The following NEK7 variants were observed in gnomAD, a reference collection of about 807,000 sequenced individuals.
NEK7 encodes the protein NIMA related kinase 7, also known as serine/threonine-protein kinase Nek7.
Under a neutral mutation model 44.6 loss-of-function variants are expected in NEK7, and 18 were observed. The ratio of observed to expected loss-of-function variants is 0.40; its 90% CI spans 0.28 to 0.60. The LOEUF (loss-of-function observed/expected upper bound fraction) is 0.60. Among genes scored for constraint, NEK7 ranks in the 20% least tolerant of loss-of-function variants. The probability of loss-of-function intolerance (pLI) is 0.38; values close to 1 mark genes in which losing one functional copy is unlikely to be tolerated. For missense variants in NEK7, 256 were observed against 366.5 expected (o/e 0.70, Z 2.46); for synonymous variants, 130 against 121.1 (o/e 1.07, Z -0.48).
chr1:198,235,455 T>C (rs1666522261), intron 2 of NEK7, among the ~76,000 whole-genome samples: 1 of 152,174 alleles, frequency 6.6e-6, no homozygotes, highest in Non-Finnish European at 1.5e-5. Context: ...TTTGACTAGA[T>C]TCTTGTTCTG....
intron 2 of NEK7, among the ~76,000 whole-genome samples, chr1:198,237,453 T>C (rs983257051): frequency 6.6e-6 from 1 of 152,188 alleles, no homozygotes; most frequent in African/African-American, 2.4e-5. Flanking sequence ...CTTCTCCTTC[T>C]CAGTGGCAAG....
intron 5 of NEK7, 47 bp from the exon 6 acceptor site, chr1:198,277,914 T>G: frequency 9.0e-7 from 1 of 1,115,366 alleles, no homozygotes; most frequent in South Asian, 1.3e-5. Flanking sequence ...GAATCCAGTC[T>G]TGAGAAATTT....
rs1212666357 is a variant in NEK7 at position 198,237,784 on chromosome 1, A to C, written c.57+5147A>C. On this transcript the variant is annotated intron_variant, in intron 2 of 9. Transcript: ENST00000367385. ...TCAGTAGTTTCCCATTGGCTTGCTC[A>C]TTCATATTCTTCAAGTATATATTTT... Among the ~76,000 whole-genome samples, 3 of 152,212 alleles carry C rather than the reference A, an allele frequency of 2.0e-5. No individual in the cohort carries two copies. The East Asian group carries it at 5.8e-4, about 29-fold the overall frequency.
At chr1:198,292,441 G>A (rs1654587613) in intron 7 of NEK7, among the ~76,000 whole-genome samples, 1 of 151,840 alleles carries the variant, frequency 6.6e-6, no homozygotes, top group South Asian at 2.1e-4. Context: ...TGGAAGTAAG[G>A]CATCAAGTGT....
rs566795005 is a variant in NEK7 at position 198,321,325 on chromosome 1, C to A, written c.*1803C>A. 6.6e-6 allele frequency: 1 copy of A among 151,922 alleles called. No individual in the cohort carries two copies. The highest frequency in any genetic ancestry group is 2.1e-4 in the South Asian group (1 of 4,830). 9.4% of individuals were successfully genotyped at this position (151,922 alleles called of 1,614,324 possible). A position where few individuals can be genotyped will look rare whatever the true frequency, so the allele number is the denominator to read the frequency against. On this transcript the variant is annotated 3_prime_UTR_variant, in exon 10 of 10. Coordinates refer to ENST00000367385, the MANE Select transcript of NEK7 (RefSeq NM_133494.3). ...CCTGAGGGCTAGATGCATTTTTTTT[C>A]TCACACTCTTAATGACTTTTAACAT...
chr1:198,306,845 A>G (rs1375610030), intron 9 of NEK7, among the ~76,000 whole-genome samples: 1 of 152,152 alleles, frequency 6.6e-6, no homozygotes, highest in Non-Finnish European at 1.5e-5. Context: ...CTAGAGTAAC[A>G]GGTCTATTTA....
At chr1:198,261,827 A>T (rs977808682) in intron 3 of NEK7, among the ~76,000 whole-genome samples, 4 of 151,544 alleles carry the variant, frequency 2.6e-5, no homozygotes, top group African/African-American at 9.7e-5. Flanking sequence ...TTTCTTCATT[A>T]TCCTCCCCCC....
chr1:198,171,880 G>T (rs111428936), intron 1 of NEK7, among the ~76,000 whole-genome samples: 2,666 of 152,222 alleles, frequency 0.018, 28 homozygotes, highest in Middle Eastern at 0.031. Flanking sequence ...TACAAGGCCT[G>T]CCTGACCCTG....
At chr1:198,305,058 GA>G (rs1476320304) in intron 9 of NEK7, among the ~76,000 whole-genome samples, 2 of 152,026 alleles carry the variant, frequency 1.3e-5, no homozygotes, top group East Asian at 3.9e-4. Context: ...CAAACAAGTA[GA>G]AAGTGATGCA....
At chr1:198,252,995 T>G (rs762528322) in intron 2 of NEK7, 45 bp from the exon 3 acceptor site, 10 of 1,535,128 alleles carry the variant, frequency 6.5e-6, no homozygotes, top group Non-Finnish European at 8.9e-6. Flanking sequence ...GTGTATTGCG[T>G]GTATATTGTG....
intron 9 of NEK7, among the ~76,000 whole-genome samples, chr1:198,316,227 A>G (rs765789710): frequency 6.6e-6 from 1 of 152,220 alleles, no homozygotes; most frequent in South Asian, 2.1e-4. Context: ...AGGGAGAGAC[A>G]CAGAAGGACA....
intron 1 of NEK7, among the ~76,000 whole-genome samples, chr1:198,200,138 A>C (rs1400440711): frequency 6.6e-6 from 1 of 152,220 alleles, no homozygotes; most frequent in Non-Finnish European, 1.5e-5. Flanking sequence ...ATATTTAATT[A>C]GGACTTCTAT....
intron 1 of NEK7, among the ~76,000 whole-genome samples, chr1:198,232,230 A>G (rs752401491): frequency 1.3e-5 from 2 of 152,118 alleles, no homozygotes; most frequent in African/African-American, 4.8e-5. Flanking sequence ...TTACTCTGTT[A>G]CTTAGCTTCT....
intron 7 of NEK7, among the ~76,000 whole-genome samples, chr1:198,289,090 G>C (rs1224228703): frequency 6.6e-6 from 1 of 151,838 alleles, no homozygotes; most frequent in Non-Finnish European, 1.5e-5. Flanking sequence ...TGACTCATGA[G>C]TATGAAGGAA....
intron 1 of NEK7, among the ~76,000 whole-genome samples, chr1:198,173,828 G>A (rs1281105082): frequency 1.3e-5 from 2 of 152,026 alleles, no homozygotes; most frequent in Non-Finnish European, 2.9e-5. Flanking sequence ...ATCGTAGATA[G>A]CTTTATCAGC....
intron 7 of NEK7, among the ~76,000 whole-genome samples, chr1:198,279,939 T>A (rs1483958000): frequency 6.6e-6 from 1 of 152,012 alleles, no homozygotes; most frequent in Non-Finnish European, 1.5e-5. Flanking sequence ...TAATATTTGC[T>A]GAATTACAAA....
At chr1:198,298,723 A>G (rs781275037) in intron 9 of NEK7, among the ~76,000 whole-genome samples, 3 of 152,310 alleles carry the variant, frequency 2.0e-5, no homozygotes, top group Non-Finnish European at 4.4e-5. Context: ...AAGCGCATGA[A>G]TATTTCACAT....
intron 2 of NEK7, among the ~76,000 whole-genome samples, chr1:198,236,559 C>T (rs1449627230): frequency 6.6e-6 from 1 of 152,168 alleles, no homozygotes; most frequent in Non-Finnish European, 1.5e-5. Flanking sequence ...ATAACATGTC[C>T]TTTCCTCATC....
At chr1:198,235,312 G>A (rs779550775) in intron 2 of NEK7, among the ~76,000 whole-genome samples, 5 of 151,988 alleles carry the variant, frequency 3.3e-5, no homozygotes, top group African/African-American at 4.8e-5. Flanking sequence ...TAGAATGTGA[G>A]ATTTATGTTT....
Sources: allele counts gnomAD v4.1 joint callset (sites outside exome capture counted in the v4.1 genomes callset), GRCh38; gene constraint gnomAD v4.1.1; transcripts MANE v1.5; gene names NCBI Gene and HGNC (gene_info 2026-07-23, HGNC 2026-07-21).